Variants in PDCL3 observed in about 807,000 individuals in gnomAD.
The protein encoded by PDCL3 is phosducin like 3, also known as phosducin-like protein 3.
In PDCL3, 22 loss-of-function variants were observed where a neutral mutation model predicts 26.5. The ratio of observed to expected loss-of-function variants is 0.83; its 90% CI spans 0.59 to 1.19. PDCL3 has a LOEUF of 1.19. Ranked by LOEUF, PDCL3 falls within the 50% of genes most tolerant of loss-of-function variation. The pLI is 0.00. For synonymous variants in PDCL3, 81 were observed against 104.9 expected, an observed-to-expected ratio of 0.77 and a Z score of 1.39; for missense variants, 246 against 294.1, an observed-to-expected ratio of 0.84 and a Z score of 1.20.
At chr2:100,573,308 AAAT>A (rs1675214523) in intron 5 of PDCL3, among the ~76,000 whole-genome samples, 1 of 152,162 alleles carries the variant, frequency 6.6e-6, no homozygotes. Context: ...CTCTTTATTG[AAAT>A]AATATTTCCA....
At chr2:100,568,215 C>A (rs1257226657) in intron 2 of PDCL3, among the ~76,000 whole-genome samples, 1 of 152,204 alleles carries the variant, frequency 6.6e-6, no homozygotes, top group Admixed American at 6.5e-5. Context: ...GGGCTGGAGG[C>A]CTATACTTTG....
chr2:100,565,113 T>C (rs1290265291), intron 1 of PDCL3, among the ~76,000 whole-genome samples: 2 of 152,100 alleles, frequency 1.3e-5, no homozygotes, highest in African/African-American at 4.8e-5. Flanking sequence ...ATTTTCTTGA[T>C]TACGGGCGTG....
At chr2:100,564,238 G>T (rs182065960) in intron 1 of PDCL3, among the ~76,000 whole-genome samples, 1 of 151,702 alleles carries the variant, frequency 6.6e-6, no homozygotes, top group Non-Finnish European at 1.5e-5. Flanking sequence ...TGTCCTTCAG[G>T]TCCCTTGAGG....
chr2:100,571,835 T>C (rs1675181286), intron 5 of PDCL3, 37 bp downstream of exon 5: 3 of 1,595,102 alleles, frequency 1.9e-6, no homozygotes, highest in Non-Finnish European at 2.6e-6. Flanking sequence ...CAGTGAGAGA[T>C]GGGAGGCGCA....
Position 100,571,581 on chromosome 2 carries a change from G to A in PDCL3, c.369-9G>A. The stretch of plus-strand genomic sequence containing the variant: ...ATAATTGCTTCTGTTTTCTATGTGT[G>A]TTTTATAGAATTCCCCTCTGTGCCC... On this transcript the variant is annotated splice_polypyrimidine_tract_variant and intron_variant, in intron 4 of 5. Coordinates refer to ENST00000264254, the MANE Select transcript of PDCL3 (RefSeq NM_024065.5). 1 of 1,611,586 alleles carries A rather than the reference G, an allele frequency of 6.2e-7. No individual in the cohort carries two copies. Among genetic ancestry groups the A allele is most frequent in the South Asian group, 1.1e-5 (1 of 91,062 alleles).
intron 2 of PDCL3, among the ~76,000 whole-genome samples, chr2:100,567,047 G>A (rs1675073037): frequency 6.6e-6 from 1 of 152,126 alleles, no homozygotes; most frequent in South Asian, 2.1e-4. Flanking sequence ...GTCTGAGGGG[G>A]GTTTTCTCAA....
rs1230554988 is a variant in PDCL3, at chr2:100,563,065, A to G, written c.-3A>G. 1.2e-6 allele frequency: 2 copies of G among 1,604,986 alleles called. No individual in the cohort carries two copies. The highest frequency in any genetic ancestry group is 1.7e-5 in the Admixed American group (1 of 58,726). On this transcript the variant is annotated 5_prime_UTR_variant, in exon 1 of 6. Coordinates refer to ENST00000264254, the MANE Select transcript of PDCL3 (RefSeq NM_024065.5). ...TGGTTTGAGCAACTGAACTGGAAAC[A>G]AGATGCAGGTGAGCTAGGACGGGTC...
At chr2:100,565,314 G>A (rs1218473916) in intron 1 of PDCL3, among the ~76,000 whole-genome samples, 2 of 132,682 alleles carry the variant, frequency 1.5e-5, no homozygotes, top group Admixed American at 8.4e-5. Context: ...TAGCTCTGTC[G>A]CCCAGGCTGG....
In PDCL3 at chr2:100,570,474, C is replaced by CTTT. The variant is rs762190373; in HGVS notation, c.368+769_368+771dup. On this transcript the variant is annotated intron_variant, in intron 4 of 5. Transcript: ENST00000264254. ...GAGTCCAGTGCTTATTTAGGAATTT[C>CTTT]TTTTTTTTTTTTTTTTTTGTTTGAG... Among the ~76,000 whole-genome samples the CTTT allele has an allele frequency of 4.8e-4, 60 of 125,302 alleles. 1 individual carries two copies. Among genetic ancestry groups the CTTT allele is most frequent in the East Asian group, 7.2e-4 (3 of 4,194 alleles). The allele number at this position is 125,302 out of a possible 152,430, so 82.2% of individuals were successfully genotyped here.
At chr2:100,569,369 G>A (rs1675123875) in intron 3 of PDCL3, among the ~76,000 whole-genome samples, 1 of 152,110 alleles carries the variant, frequency 6.6e-6, no homozygotes, top group African/African-American at 2.4e-5. Flanking sequence ...AAAATAAAAT[G>A]AAATGTGTGT....
intron 2 of PDCL3, among the ~76,000 whole-genome samples, chr2:100,567,618 C>T (rs549238491): frequency 6.6e-6 from 1 of 152,174 alleles, no homozygotes; most frequent in Admixed American, 6.5e-5. Context: ...GTGAAGAAGA[C>T]ATCTGGGTAT....
chr2:100,575,360 C>T (rs1178521212), intron 5 of PDCL3, among the ~76,000 whole-genome samples: 1 of 152,212 alleles, frequency 6.6e-6, no homozygotes, highest in East Asian at 1.9e-4. Flanking sequence ...TGGTCTCGAT[C>T]TCCAGACTTC....
intron 4 of PDCL3, among the ~76,000 whole-genome samples, chr2:100,571,271 ACTC>A: frequency 6.6e-6 from 1 of 150,440 alleles, no homozygotes; most frequent in Non-Finnish European, 1.5e-5. Flanking sequence ...CTGGTCTTGA[ACTC>A]CTGACCTCAT....
chr2:100,571,602 T>A lies in PDCL3; in HGVS notation c.381T>A (p.Cys127Ter), dbSNP rs1675169232. The A allele has an allele frequency of 6.2e-7, 1 of 1,612,968 alleles. No homozygotes were observed. Among genetic ancestry groups the A allele is most frequent in the Non-Finnish European group, 8.5e-7 (1 of 1,179,794 alleles). The part of the protein sequence containing the change: ...LHLYKQGIPL[C>*]ALINQHLSGL... ...GTGTGTTTTATAGAATTCCCCTCTGTGCCCTGATAAATCAGCACCTCAGTG... is the reference window on the plus strand; with the variant it reads ...GTGTGTTTTATAGAATTCCCCTCTGAGCCCTGATAAATCAGCACCTCAGTG... Residue 127 changes from cysteine (C) to a stop codon, truncating the protein, a stop_gained, in exon 5 of 6, where the codon TGT (cysteine) becomes TGA (stop). Transcript: ENST00000264254. LOFTEE classifies it high-confidence loss of function.
intron 4 of PDCL3, among the ~76,000 whole-genome samples, chr2:100,570,562 T>G (rs1675148256): frequency 6.9e-6 from 1 of 144,384 alleles, no homozygotes; most frequent in South Asian, 2.4e-4. Context: ...CACTGCAACC[T>G]CCGTCTCCCA....
intron 5 of PDCL3, among the ~76,000 whole-genome samples, chr2:100,575,070 C>A (rs1675252961): frequency 6.6e-6 from 1 of 152,196 alleles, no homozygotes; most frequent in African/African-American, 2.4e-5. Flanking sequence ...GCACTCTAGC[C>A]TGGGTGATGG....
chr2:100,566,742 G>T (rs972342641), intron 2 of PDCL3, 113 bp downstream of exon 2: 1 of 1,483,754 alleles, frequency 6.7e-7, no homozygotes, highest in African/African-American at 1.4e-5. Flanking sequence ...CTCTGTGTCT[G>T]TGGGACCTCA....
intron 5 of PDCL3, among the ~76,000 whole-genome samples, chr2:100,575,285 G>A (rs1164766603): frequency 1.3e-5 from 2 of 152,126 alleles, no homozygotes; most frequent in South Asian, 2.1e-4. Context: ...ACAGGCACCT[G>A]CCACCATGCC....
At chr2:100,574,066 C>G (rs1451548276) in intron 5 of PDCL3, among the ~76,000 whole-genome samples, 1 of 152,052 alleles carries the variant, frequency 6.6e-6, no homozygotes, top group East Asian at 1.9e-4. Flanking sequence ...TGCAGTAGCA[C>G]TATCTTGGCT....
Sources: allele counts gnomAD v4.1 joint callset (sites outside exome capture counted in the v4.1 genomes callset), GRCh38; gene constraint gnomAD v4.1.1; transcripts MANE v1.5; gene names NCBI Gene and HGNC (gene_info 2026-07-23, HGNC 2026-07-21).